The following FMO1 variants were observed in gnomAD, a reference collection of about 807,000 sequenced individuals.
The protein encoded by FMO1 is flavin containing dimethylaniline monoxygenase 1, also known as flavin-containing monooxygenase 1.
A neutral mutation model predicts 45.4 loss-of-function variants in FMO1; 36 were observed. The ratio of observed to expected loss-of-function variants is 0.79; its 90% confidence interval spans 0.61 to 1.05. The LOEUF (loss-of-function observed/expected upper bound fraction) is 1.05, where lower values mean the gene tolerates loss of function less well. FMO1 is among the 50% of genes least tolerant of loss of function. The pLI, the probability that FMO1 is intolerant of heterozygous loss-of-function variation, is 0.00. For missense variants in FMO1, 615 were observed against 640.3 expected, an observed-to-expected ratio of 0.96 and a Z score of 0.43; for synonymous variants, 228 against 227.2, an observed-to-expected ratio of 1.00 and a Z score of -0.03.
At chr1:171,280,149 G>T (rs1661294329) in intron 5 of FMO1, among the ~76,000 whole-genome samples, 1 of 152,118 alleles carries the variant, frequency 6.6e-6, no homozygotes. Flanking sequence ...TATACTAGTT[G>T]CTGGCTCCCC....
chr1:171,282,006 G>A lies in FMO1; in HGVS notation c.856G>A (p.Asp286Asn). The A allele has an allele frequency of 3.1e-6, 5 of 1,610,502 alleles. No individual in the cohort carries two copies. Among genetic ancestry groups the A allele is most frequent in the Non-Finnish European group, 4.2e-6 (5 of 1,178,576 alleles). ...TCAGCTGAAAGAGTTTGTGCTAAAT[G>A]ATGAGCTCCCAGGACGCATCATCAC... ...RTQLKEFVLN[D>N]ELPGRIITGK... The change falls in exon 7 of 9, where the codon GAT becomes AAT. Residue 286 changes from aspartate (D) to asparagine (N), a missense_variant. Transcript: ENST00000617670.
chr1:171,280,486 TG>T (rs1167203558), intron 5 of FMO1, among the ~76,000 whole-genome samples: 7 of 152,222 alleles, frequency 4.6e-5, no homozygotes, highest in Non-Finnish European at 8.8e-5. Context: ...AGCAATCACC[TG>T]TTCATTGTTT....
In FMO1 at chr1:171,271,381, T is replaced by G. The variant is rs539978989; in HGVS notation, c.321+3650T>G. The G allele has an allele frequency of 6.7e-6, 8 of 1,185,734 alleles. No homozygotes were observed. The African/African-American group carries it at 9.0e-5, about 13-fold the overall frequency. 73.5% of individuals were successfully genotyped at this position (1,185,734 alleles called of 1,614,324 possible). A position where few individuals can be genotyped will look rare whatever the true frequency, so the allele number is the denominator to read the frequency against. On this transcript the variant is annotated intron_variant, in intron 3 of 8. Transcript: ENST00000617670. ...TTAGGTTTTCACTTCTCTTTCATAA[T>G]GGGCCTTGTCACCTTTGCCATATCT...
chr1:171,270,957 ATCATCTTCT>A lies in FMO1; in HGVS notation c.321+3235_321+3243del. 3.8e-6 allele frequency: 3 copies of A among 786,736 alleles called. No homozygotes were observed. In the East Asian group the frequency reaches 8.4e-5, roughly 22 times the overall value. The allele number at this position is 786,736 out of a possible 1,614,324, so 48.7% of individuals were successfully genotyped here. A position where few individuals can be genotyped will look rare whatever the true frequency, so the allele number is the denominator to read the frequency against. On this transcript the variant is annotated intron_variant, in intron 3 of 8. Transcript: ENST00000617670. ...AAAAACCGCTAGAACCAACTTATTC[ATCATCTTCT>A]TCATCTTCATCTTCTTCATCTACCT...
intron 1 of FMO1, chr1:171,253,774 A>C (rs1328442964): frequency 6.6e-6 from 1 of 152,136 alleles, no homozygotes; most frequent in Non-Finnish European, 1.5e-5. Context: ...AAATAATAAT[A>C]ATAATAAGGA....
At chr1:171,252,660 G>A (rs546194419) in intron 1 of FMO1, among the ~76,000 whole-genome samples, 75 of 152,286 alleles carry the variant, frequency 4.9e-4, no homozygotes, top group Middle Eastern at 3.4e-3. Context: ...TGGCTGCAGG[G>A]ACTTAACTTA....
chr1:171,270,615 A>C (rs1660812776), intron 3 of FMO1: 3 of 992,412 alleles, frequency 3.0e-6, no homozygotes, highest in Admixed American at 5.9e-5. Context: ...TATTTCCTAT[A>C]AGCTGCATCA....
At chr1:171,284,882 A>G (rs531075076) in intron 8 of FMO1, among the ~76,000 whole-genome samples, 1 of 152,220 alleles carries the variant, frequency 6.6e-6, no homozygotes, top group Non-Finnish European at 1.5e-5. Context: ...ATTACTGAAT[A>G]ATGGAATTTT....
At position 171,267,739 on chromosome 1, in the gene FMO1, A is replaced by G. The variant is rs750459977; in HGVS notation, c.321+8A>G. On this transcript the variant is annotated splice_region_variant and intron_variant, in intron 3 of 8. Coordinates refer to ENST00000617670, the MANE Select transcript of FMO1 (RefSeq NM_001282693.2). Reference sequence around the variant, plus strand: ...AAACACATTCAATTCAAGGTAAGACACAAAACATCAGTTAGTAGTCAGAAA... The same window carrying G: ...AAACACATTCAATTCAAGGTAAGACGCAAAACATCAGTTAGTAGTCAGAAA... The G allele has an allele frequency of 3.1e-6, 5 of 1,597,266 alleles. No homozygotes were observed. Among genetic ancestry groups the G allele is most frequent in the Admixed American group, 1.7e-5 (1 of 59,020 alleles).
rs28360375 is a variant in FMO1, at chr1:171,264,907, A to C, written c.133-2636A>C. On this transcript the variant is annotated intron_variant, in intron 2 of 8. Coordinates refer to ENST00000617670, the MANE Select transcript of FMO1 (RefSeq NM_001282693.2). ...GAGCGAGACTCCATCTCAAAAAAAA[A>C]CAAAAACAAAAGAAATGCACAATCT... 6.0e-3 allele frequency among the ~76,000 whole-genome samples: 915 copies of C among 151,770 alleles called. 12 individuals are homozygous for C. Among genetic ancestry groups the C allele is most frequent in the African/African-American group, 0.02 (811 of 41,352 alleles).
At chr1:171,256,747 T>C (rs929606825) in intron 1 of FMO1, among the ~76,000 whole-genome samples, 1 of 152,054 alleles carries the variant, frequency 6.6e-6, no homozygotes, top group African/African-American at 2.4e-5. Flanking sequence ...TTCTCTCAGG[T>C]TCCTAATCCA....
In FMO1 at chr1:171,275,308, T is replaced by C. The variant is rs745345355; in HGVS notation, c.322-38T>C. On this transcript the variant is annotated intron_variant, in intron 3 of 8. Transcript: ENST00000617670. The stretch of plus-strand genomic sequence containing the variant: ...CAACTGGCAAGTGCTTAATGGAACA[T>C]TGACAACTGCTAATCATATCTGTGA... 20 of 1,587,072 alleles carry C rather than the reference T, an allele frequency of 1.3e-5. No individual in the cohort carries two copies. In the Admixed American group the frequency reaches 2.7e-4, roughly 22 times the overall value.
At chr1:171,271,398 G>T in intron 3 of FMO1, 2 of 1,097,126 alleles carry the variant, frequency 1.8e-6, no homozygotes, top group Non-Finnish European at 2.8e-6. Flanking sequence ...TGTCACCTTT[G>T]CCATATCTTC....
At chr1:171,272,017 C>T (rs894196564) in intron 3 of FMO1, among the ~76,000 whole-genome samples, 1 of 152,250 alleles carries the variant, frequency 6.6e-6, no homozygotes, top group African/African-American at 2.4e-5. Context: ...CACCACAGCC[C>T]TTCCCATCAC....
intron 3 of FMO1, among the ~76,000 whole-genome samples, chr1:171,269,848 G>A (rs1453396709): frequency 6.6e-6 from 1 of 152,076 alleles, no homozygotes; most frequent in African/African-American, 2.4e-5. Flanking sequence ...GAAAATATAC[G>A]CTATTTTGAA....
intron 5 of FMO1, among the ~76,000 whole-genome samples, chr1:171,280,165 G>C (rs759355268): frequency 6.6e-6 from 1 of 152,150 alleles, no homozygotes; most frequent in Non-Finnish European, 1.5e-5. Context: ...TCCCCAGTTT[G>C]GTGGGGGAAG....
At chr1:171,267,456 T>C (rs542596940) in intron 2 of FMO1, 87 bp from the exon 3 acceptor site, 33 of 830,824 alleles carry the variant, frequency 4.0e-5, no homozygotes, top group South Asian at 7.8e-5. Context: ...TTGGCAATGA[T>C]ACTGTGTGCA....
chr1:171,264,324 G>GTATATA (rs546414593), intron 2 of FMO1, among the ~76,000 whole-genome samples: 20 of 146,740 alleles, frequency 1.4e-4, no homozygotes, highest in African/African-American at 5.0e-4. Flanking sequence ...TTGTGTGTGT[G>GTATATA]TATATATATA....
intron 2 of FMO1, among the ~76,000 whole-genome samples, chr1:171,261,551 C>T (rs1308667510): frequency 6.6e-6 from 1 of 152,054 alleles, no homozygotes; most frequent in Non-Finnish European, 1.5e-5. Context: ...TTTCCATTTC[C>T]AGATGGGGAG....
Sources: gnomAD v4.1 joint callset for allele counts (sites outside exome capture counted in the v4.1 genomes callset) on GRCh38, gnomAD v4.1.1 for gene constraint, MANE v1.5 for transcripts, NCBI Gene and HGNC (gene_info 2026-07-23, HGNC 2026-07-21) for gene names.